HDAC5: variants seen among roughly 807,000 people sequenced by gnomAD.
The protein encoded by HDAC5 is histone deacetylase 5.
A neutral mutation model predicts 133.3 loss-of-function variants in HDAC5; 25 were observed. That is an observed-to-expected ratio of 0.19 (90% confidence interval 0.14 to 0.26). The LOEUF (loss-of-function observed/expected upper bound fraction) is 0.26, where lower values mean the gene tolerates loss of function less well. Among genes scored for constraint, HDAC5 ranks in the 10% least tolerant of loss-of-function variants. The pLI is 1.00. For synonymous variants in HDAC5, 589 were observed against 610.8 expected, an observed-to-expected ratio of 0.96 and a Z score of 0.53; for missense variants, 1,041 against 1,460.5, an observed-to-expected ratio of 0.71 and a Z score of 4.68.
intron 2 of HDAC5, among the ~76,000 whole-genome samples, chr17:44,115,393 G>C (rs2052587609): frequency 6.6e-6 from 1 of 152,170 alleles, no homozygotes. Context: ...CTCTCTACAG[G>C]GAAGTGGACA....
At chr17:44,113,432 C>T (rs2052459051) in intron 2 of HDAC5, among the ~76,000 whole-genome samples, 1 of 152,314 alleles carries the variant, frequency 6.6e-6, no homozygotes, top group Middle Eastern at 3.4e-3. Flanking sequence ...TCCCAGAACC[C>T]TCCAAGGCAA....
chr17:44,106,485 G>C (rs969534320), intron 3 of HDAC5, among the ~76,000 whole-genome samples: 18 of 152,172 alleles, frequency 1.2e-4, no homozygotes, highest in African/African-American at 4.1e-4. Context: ...AAAGGGGTGA[G>C]TTGGGGCTGA....
chr17:44,082,015 G>A (rs1466323982), intron 20 of HDAC5: 1 of 152,326 alleles, frequency 6.6e-6, no homozygotes, highest in East Asian at 1.9e-4. Context: ...AGTGGTGTGT[G>A]CCTCTGCCTC....
At chr17:44,079,000 CA>C in intron 24 of HDAC5, 121 bp from the exon 25 acceptor site, 1 of 1,508,196 alleles carries the variant, frequency 6.6e-7, no homozygotes, top group African/African-American at 1.4e-5. Context: ...CCTTTTTGGA[CA>C]AACGCATACT....
rs1426826492 is a variant in HDAC5 at position 44,078,816 on chromosome 17, C to T, written c.3142G>A (p.Glu1048Lys). The T allele has an allele frequency of 1.2e-6, 2 of 1,614,192 alleles. No individual in the cohort carries two copies. Among genetic ancestry groups the T allele is most frequent in the African/African-American group, 1.3e-5 (1 of 75,054 alleles). Reference sequence around the variant, plus strand: ...GCACTCTGGATCTCGATGACTTTCTCTAGCGTGGCCACTGCGTTGATGTTG... The same window carrying T: ...GCACTCTGGATCTCGATGACTTTCTTTAGCGTGGCCACTGCGTTGATGTTG... ...KPNINAVATL[E>K]KVIEIQSKHW... Residue 1048 changes from glutamate to lysine, a missense_variant, in exon 25 of 27, where the codon GAG (glutamate) becomes AAG (lysine). This residue lies in a region of HDAC5 where 95 missense variants were observed against 107.3 expected (regional missense o/e 0.88). Transcript: ENST00000682912.
chr17:44,103,401 G>C (rs144867138), intron 3 of HDAC5, among the ~76,000 whole-genome samples: 7 of 152,316 alleles, frequency 4.6e-5, no homozygotes, highest in African/African-American at 1.7e-4. Flanking sequence ...ACATCACGTA[G>C]TGGTTGAGAG....
At chr17:44,093,953 G>A in intron 3 of HDAC5, 119 bp from the exon 4 acceptor site, 1 of 1,299,694 alleles carries the variant, frequency 7.7e-7, no homozygotes, top group Non-Finnish European at 1.0e-6. Context: ...GAGACAGAGA[G>A]GAAGTCAAAT....
intron 2 of HDAC5, chr17:44,111,607 G>A: frequency 1.9e-6 from 1 of 518,046 alleles, no homozygotes; most frequent in Non-Finnish European, 3.8e-6. Flanking sequence ...GAATTGGAAG[G>A]GTCTAGGAGA....
chr17:44,108,657 T>C (rs2052123735), intron 3 of HDAC5, among the ~76,000 whole-genome samples: 2 of 147,644 alleles, frequency 1.4e-5, no homozygotes, highest in Admixed American at 1.4e-4. Flanking sequence ...CCAGGCTGCC[T>C]GGGCCCTCAT....
At chr17:44,114,259 C>T (rs1010839450) in intron 2 of HDAC5, among the ~76,000 whole-genome samples, 12 of 152,198 alleles carry the variant, frequency 7.9e-5, no homozygotes, top group Admixed American at 6.5e-4. Flanking sequence ...AGAAGGGAGG[C>T]CAGGAGTCTA....
chr17:44,085,649 G>GCC (rs1286989785), intron 14 of HDAC5, among the ~76,000 whole-genome samples: 2 of 151,998 alleles, frequency 1.3e-5, no homozygotes, highest in African/African-American at 4.8e-5. Context: ...TTACAGGCAT[G>GCC]TGCCACCACG....
At position 44,086,803 on chromosome 17, in the gene HDAC5, G is replaced by A. The variant is rs374938200; in HGVS notation, c.1885-66C>T. The A allele has an allele frequency of 2.7e-5, 33 of 1,212,202 alleles. No individual in the cohort carries two copies. The East Asian group carries it at 4.2e-4, about 15-fold the overall frequency. The allele number at this position is 1,212,202 out of a possible 1,614,324, so 75.1% of individuals were successfully genotyped here. A position where few individuals can be genotyped will look rare whatever the true frequency, so the allele number is the denominator to read the frequency against. On this transcript the variant is annotated intron_variant, in intron 13 of 26. Transcript: ENST00000682912. ...CAGGACAGGGGTGAGGGCAGGCCCT[G>A]TCAGGGCCTCCAGTGGGGCCCCAAT...
intron 2 of HDAC5, among the ~76,000 whole-genome samples, chr17:44,113,838 C>G (rs1264046552): frequency 1.3e-5 from 2 of 152,234 alleles, no homozygotes; most frequent in Non-Finnish European, 2.9e-5. Flanking sequence ...AAAGCAAGGT[C>G]TGCTTAGTGT....
chr17:44,109,561 C>T (rs1296064086), intron 3 of HDAC5, among the ~76,000 whole-genome samples: 1 of 152,234 alleles, frequency 6.6e-6, no homozygotes, highest in African/African-American at 2.4e-5. Flanking sequence ...CATGAGAAAA[C>T]TGCATGGGCA....
intron 16 of HDAC5, 22 bp from the exon 17 acceptor site, chr17:44,083,876 C>G (rs550814232): frequency 6.2e-7 from 1 of 1,612,570 alleles, no homozygotes; most frequent in East Asian, 2.2e-5. Flanking sequence ...AGGAATAGAG[C>G]TACTCTAGAA....
chr17:44,107,316 G>C (rs1219195907), intron 3 of HDAC5, among the ~76,000 whole-genome samples: 1 of 152,290 alleles, frequency 6.6e-6, no homozygotes, highest in Admixed American at 6.5e-5. Flanking sequence ...TCCTAAAACA[G>C]ATATGGCAAG....
intron 11 of HDAC5, 86 bp from the exon 12 acceptor site, chr17:44,088,684 C>T (rs2143196016): frequency 6.6e-7 from 1 of 1,517,708 alleles, no homozygotes. Flanking sequence ...CCCCACAACC[C>T]CCTCTGGCAT....
chr17:44,081,741 A>G (rs81367), intron 20 of HDAC5: 104,848 of 151,370 alleles, frequency 0.69, 37,876 homozygotes, highest in East Asian at 0.91. Flanking sequence ...ACCACACCTA[A>G]CTAATTTTTT....
At position 44,117,617 on chromosome 17, in the gene HDAC5, G is replaced by A. The variant is rs1384688445; in HGVS notation, c.-102C>T. 1.2e-5 allele frequency: 17 copies of A among 1,413,774 alleles called. No homozygotes were observed. Among genetic ancestry groups the A allele is most frequent in the South Asian group, 4.6e-5 (4 of 87,200 alleles). The allele number at this position is 1,413,774 out of a possible 1,614,324, so 87.6% of individuals were successfully genotyped here. ...GACAGACGATAACAGACAGACGGAC[G>A]GGACGGGAGCCCGGGGCCGCCGTGC... On this transcript the variant is annotated 5_prime_UTR_variant, in exon 2 of 27. Transcript: ENST00000682912. The surrounding 1 kb of genome is among the most constrained non-coding windows in gnomAD (Gnocchi z 4.2).
Sources: gnomAD v4.1 joint callset for allele counts (sites outside exome capture counted in the v4.1 genomes callset) on GRCh38, gnomAD v4.1.1 for gene constraint, gnomAD v4.1.1 regional missense constraint, Gnocchi (gnomAD v3.1) non-coding constraint, MANE v1.5 for transcripts, NCBI Gene and HGNC (gene_info 2026-07-23, HGNC 2026-07-21) for gene names.